The following FHL5 variants were observed in gnomAD, a reference collection of about 807,000 sequenced individuals.
FHL5 encodes four and a half LIM domains 5, also known as four and a half LIM domains protein 5.
FHL5 carries 33 observed loss-of-function variants against 32.0 expected under a neutral mutation model. That is an observed-to-expected ratio of 1.03 (90% CI 0.78 to 1.38). FHL5 has a LOEUF of 1.38. Ranked by LOEUF, FHL5 falls within the 40% of genes most tolerant of loss-of-function variation. The pLI is 0.00. For synonymous variants in FHL5, 114 were observed against 113.6 expected (o/e 1.00, Z -0.02); for missense variants, 336 against 343.9 (o/e 0.98, Z 0.18).
intron 1 of FHL5, among the ~76,000 whole-genome samples, chr6:96,569,822 T>G: frequency 6.8e-6 from 1 of 146,506 alleles, no homozygotes; most frequent in Admixed American, 6.8e-5. Flanking sequence ...AGCATATACT[T>G]AGGTCTTTTT....
At chr6:96,596,867 TCCCG>T (rs796955165) in intron 1 of FHL5, among the ~76,000 whole-genome samples, 59 of 152,244 alleles carry the variant, frequency 3.9e-4, no homozygotes, top group African/African-American at 1.4e-3. Context: ...CTTCCTGTAC[TCCCG>T]TCTTCTATTA....
intron 1 of FHL5, among the ~76,000 whole-genome samples, chr6:96,595,328 C>T (rs190196553): frequency 1.3e-5 from 2 of 151,854 alleles, no homozygotes; most frequent in South Asian, 2.1e-4. Flanking sequence ...AAGTTATCTG[C>T]ATATCTAATT....
chr6:96,614,475 C>T (rs1177252489), intron 5 of FHL5, among the ~76,000 whole-genome samples: 1 of 152,050 alleles, frequency 6.6e-6, no homozygotes, highest in Non-Finnish European at 1.5e-5. Context: ...ATGAAGACAT[C>T]AAATAAGTTT....
In FHL5 at chr6:96,590,817, C is replaced by A. The variant is rs145445347; in HGVS notation, c.-12-12785C>A. On this transcript the variant is annotated intron_variant, in intron 1 of 5. Coordinates refer to ENST00000450218, the MANE Select transcript of FHL5 (RefSeq NM_001322466.2). ...AATTGAAGTAAGATTTTATCAAATG[C>A]CTTTTCTGCAGCTGCTGAGGTAATT... Among the ~76,000 whole-genome samples the A allele has an allele frequency of 3.8e-3, 578 of 152,048 alleles. 4 individuals carry two copies. The highest frequency in any genetic ancestry group is 0.014 in the African/African-American group (564 of 41,534).
intron 1 of FHL5, among the ~76,000 whole-genome samples, chr6:96,603,148 T>C (rs940515190): frequency 6.6e-6 from 1 of 152,226 alleles, no homozygotes; most frequent in Non-Finnish European, 1.5e-5. Context: ...GTACTGATTA[T>C]TAATTTATAT....
At chr6:96,615,500 C>T (rs559477284) in intron 5 of FHL5, 109 bp from the exon 6 acceptor site, 14 of 808,776 alleles carry the variant, frequency 1.7e-5, no homozygotes, top group South Asian at 5.2e-5. Context: ...TTTGCCTCTG[C>T]GTTGTTTTGC....
chr6:96,567,259 A>G (rs1410322724), intron 1 of FHL5, among the ~76,000 whole-genome samples: 1 of 151,798 alleles, frequency 6.6e-6, no homozygotes, highest in Non-Finnish European at 1.5e-5. Flanking sequence ...CTTCCCCATT[A>G]AATGTTCTTG....
chr6:96,589,756 T>C (rs2127966417), intron 1 of FHL5, among the ~76,000 whole-genome samples: 1 of 152,154 alleles, frequency 6.6e-6, no homozygotes, highest in South Asian at 2.1e-4. Context: ...ACATTACAAG[T>C]TTATAATGAC....
At chr6:96,582,491 T>C (rs1770715356) in intron 1 of FHL5, among the ~76,000 whole-genome samples, 1 of 152,208 alleles carries the variant, frequency 6.6e-6, no homozygotes, top group African/African-American at 2.4e-5. Context: ...CTGCCATAAT[T>C]ACATGATTCT....
chr6:96,606,075 A>G lies in FHL5; in HGVS notation c.504+4A>G. On this transcript the variant is annotated splice_donor_region_variant and intron_variant, in intron 4 of 5. Transcript: ENST00000450218. ...CTACTGCAACTTTTGTAAGAAGGTA[A>G]TTTTCTAAAGAGGGTGAAGCTTGTG... 6.2e-7 allele frequency: 1 copy of G among 1,612,858 alleles called. No homozygotes were observed. Among genetic ancestry groups the G allele is most frequent in the Non-Finnish European group, 8.5e-7 (1 of 1,179,108 alleles).
intron 1 of FHL5, among the ~76,000 whole-genome samples, chr6:96,598,589 G>T (rs929582323): frequency 6.6e-6 from 1 of 152,132 alleles, no homozygotes; most frequent in African/African-American, 2.4e-5. Context: ...AACTACTTGA[G>T]AACTGAAAAA....
At chr6:96,574,330 G>T (rs998291683) in intron 1 of FHL5, among the ~76,000 whole-genome samples, 7 of 152,134 alleles carry the variant, frequency 4.6e-5, no homozygotes, top group African/African-American at 1.7e-4. Flanking sequence ...TCAGCAAAAT[G>T]TTTTCTACAA....
At chr6:96,585,633 A>G (rs1345757368) in intron 1 of FHL5, among the ~76,000 whole-genome samples, 3 of 152,190 alleles carry the variant, frequency 2.0e-5, no homozygotes, top group East Asian at 3.8e-4. Flanking sequence ...ATATGGTGTT[A>G]CCTATCTCCA....
Position 96,603,719 on chromosome 6 carries a change from G to A in FHL5, c.106G>A (p.Val36Ile). 2 of 1,611,886 alleles carry A rather than the reference G, an allele frequency of 1.2e-6. No homozygotes were observed. The highest frequency in any genetic ancestry group is 1.7e-6 in the Non-Finnish European group (2 of 1,179,136). ...SPYCVTCYDRVFSNYCEECKK... is the reference protein window; with the variant it reads ...SPYCVTCYDRIFSNYCEECKK... ...ATACTGTGTTACATGTTATGATCGT[G>A]TATTTTCTAACTATTGCGAGGAATG... The change falls in exon 2 of 6, where the codon GTA becomes ATA. Residue 36 changes from valine to isoleucine, a missense_variant. By Grantham distance (29) the Val-to-Ile change is conservative. Transcript: ENST00000450218.
chr6:96,571,968 A>G (rs1222296124), intron 1 of FHL5, among the ~76,000 whole-genome samples: 1 of 152,128 alleles, frequency 6.6e-6, no homozygotes, highest in African/African-American at 2.4e-5. Flanking sequence ...GTGGGTAGGA[A>G]AAAACACAGC....
In FHL5 at chr6:96,610,598, T is replaced by G. The variant is rs1263141959; in HGVS notation, c.531T>G (p.Phe177Leu). The change falls in exon 5 of 6, where the codon TTT becomes TTG. Residue 177 changes from phenylalanine to leucine, a missense_variant. Phe to Leu is a conservative substitution (Grantham distance 22). Transcript: ENST00000450218. ...KKVITSGGIT[F>L]CDQLWHKECF... ...TGATAACTTCAGGTGGGATAACATTTTGTGACCAGCTATGGCATAAAGAGT... is the reference window on the plus strand; with the variant it reads ...TGATAACTTCAGGTGGGATAACATTGTGTGACCAGCTATGGCATAAAGAGT... 6.2e-7 allele frequency: 1 copy of G among 1,613,978 alleles called. No individual in the cohort carries two copies. The highest frequency in any genetic ancestry group is 1.1e-5 in the South Asian group (1 of 91,074).
intron 1 of FHL5, among the ~76,000 whole-genome samples, chr6:96,582,629 C>T (rs1359751595): frequency 1.3e-5 from 2 of 152,086 alleles, no homozygotes; most frequent in Admixed American, 6.6e-5. Flanking sequence ...AGTTCATCAG[C>T]TCTCTGGAGA....
rs1771508261 is a variant in FHL5, at chr6:96,615,796, A to G, written c.*24A>G. 6.5e-7 allele frequency: 1 copy of G among 1,542,544 alleles called. No individual in the cohort carries two copies. Among genetic ancestry groups the G allele is most frequent in the Non-Finnish European group, 8.8e-7 (1 of 1,142,524 alleles). On this transcript the variant is annotated 3_prime_UTR_variant, in exon 6 of 6. Coordinates refer to ENST00000450218, the MANE Select transcript of FHL5 (RefSeq NM_001322466.2). ...AGGAGACAGTCCTTGCCCACCTAAA[A>G]TCCATTTTGCCTTCGTTGTCACTAA...
chr6:96,603,709 T>A lies in FHL5; in HGVS notation c.96T>A (p.Cys32Ter). The change falls in exon 2 of 6, where the codon TGT (cysteine) becomes TGA (stop). Residue 32 changes from cysteine to a stop codon, truncating the protein, a stop_gained. Transcript: ENST00000450218. LOFTEE classifies it high-confidence loss of function. ...LKDDSPYCVT[C>*]YDRVFSNYCE... ...ATGACAGTCCATACTGTGTTACATG[T>A]TATGATCGTGTATTTTCTAACTATT... The A allele has an allele frequency of 6.2e-7, 1 of 1,612,448 alleles. No homozygotes were observed. Among genetic ancestry groups the A allele is most frequent in the Middle Eastern group, 1.7e-4 (1 of 6,052 alleles).
Sources: allele counts gnomAD v4.1 joint callset (sites outside exome capture counted in the v4.1 genomes callset), GRCh38; gene constraint gnomAD v4.1.1; transcripts MANE v1.5; gene names NCBI Gene and HGNC (gene_info 2026-07-23, HGNC 2026-07-21).